OMD: variants seen among roughly 807,000 people sequenced by gnomAD.
OMD encodes osteomodulin.
In OMD, 19 loss-of-function variants were observed where a neutral mutation model predicts 31.2. That is an observed-to-expected ratio of 0.61 (90% CI 0.42 to 0.89). The LOEUF (loss-of-function observed/expected upper bound fraction) is 0.89, where lower values mean the gene tolerates loss of function less well. Ranked by LOEUF, OMD falls within the 40% of genes least tolerant of loss-of-function variation. OMD has a pLI of 0.00. For synonymous variants in OMD, 155 were observed against 166.4 expected, an observed-to-expected ratio of 0.93 and a Z score of 0.53; for missense variants, 448 against 490.8, an observed-to-expected ratio of 0.91 and a Z score of 0.82.
intron 1 of OMD, among the ~76,000 whole-genome samples, chr9:92,421,764 CT>C (rs1192824116): frequency 6.6e-6 from 1 of 152,148 alleles, no homozygotes; most frequent in Non-Finnish European, 1.5e-5. Flanking sequence ...GCCATAGTCC[CT>C]TCTGTAAAGA....
chr9:92,420,850 C>T (rs988481123), intron 1 of OMD, among the ~76,000 whole-genome samples: 3 of 149,140 alleles, frequency 2.0e-5, no homozygotes, highest in East Asian at 1.9e-4. Context: ...CTGTGAGATT[C>T]GTGGAAGATG....
At chr9:92,417,643 C>T in intron 1 of OMD, 69 bp from the exon 2 acceptor site, 1 of 840,932 alleles carries the variant, frequency 1.2e-6, no homozygotes. Context: ...TGTATAAATT[C>T]TCAGTTATAT....
At chr9:92,417,777 G>A (rs1466796369) in intron 1 of OMD, among the ~76,000 whole-genome samples, 2 of 152,096 alleles carry the variant, frequency 1.3e-5, no homozygotes, top group Non-Finnish European at 2.9e-5. Context: ...GGAGTGCAGT[G>A]GCACAATCTC....
rs571035975 is a variant in OMD, at chr9:92,414,115, C to T, written c.*1037G>A. 1.2e-5 allele frequency: 2 copies of T among 164,312 alleles called. No individual in the cohort carries two copies. Among genetic ancestry groups the T allele is most frequent in the Admixed American group, 6.4e-5 (1 of 15,550 alleles). 10.2% of individuals were successfully genotyped at this position (164,312 alleles called of 1,614,324 possible). ...ATCATTGTAAGGCACACTTACAATACTTAAAAATAATACATTAACGAAAAA... is the reference window on the plus strand; with the variant it reads ...ATCATTGTAAGGCACACTTACAATATTTAAAAATAATACATTAACGAAAAA... On this transcript the variant is annotated 3_prime_UTR_variant, in exon 3 of 3. Transcript: ENST00000375550.
In OMD at chr9:92,417,587, G is replaced by T; in HGVS notation, c.-16-13C>A. 7.3e-7 allele frequency: 1 copy of T among 1,375,166 alleles called. No homozygotes were observed. The highest frequency in any genetic ancestry group is 9.9e-7 in the Non-Finnish European group (1 of 1,005,550). 85.2% of individuals were successfully genotyped at this position (1,375,166 alleles called of 1,614,324 possible). On this transcript the variant is annotated splice_polypyrimidine_tract_variant and intron_variant, in intron 1 of 2. Transcript: ENST00000375550. ...CTTTTTTTTTTTCCTATTGCAAGGA[G>T]AAAAGGAAACATTGTGGAGAAAGTG...
intron 1 of OMD, among the ~76,000 whole-genome samples, chr9:92,422,751 T>A (rs939983717): frequency 2.6e-5 from 4 of 152,194 alleles, no homozygotes; most frequent in Non-Finnish European, 4.4e-5. Context: ...TTTCTATGCC[T>A]CTTGCTCTTT....
chr9:92,420,347 C>G (rs1588118087), intron 1 of OMD, among the ~76,000 whole-genome samples: 1 of 152,336 alleles, frequency 6.6e-6, no homozygotes, highest in East Asian at 1.9e-4. Flanking sequence ...TATCGTTGCT[C>G]TTTTGCACAT....
chr9:92,423,566 A>C (rs936605270), intron 1 of OMD, among the ~76,000 whole-genome samples: 3 of 152,134 alleles, frequency 2.0e-5, no homozygotes, highest in African/African-American at 4.8e-5. Context: ...AATTTTATAA[A>C]ATTTTTTTGC....
At chr9:92,420,896 T>C (rs1843772164) in intron 1 of OMD, among the ~76,000 whole-genome samples, 1 of 152,146 alleles carries the variant, frequency 6.6e-6, no homozygotes. Context: ...AGTGTTGAGG[T>C]TCTCATAGAG....
Position 92,416,860 on chromosome 9 carries a change from A to G in OMD, c.699T>C (p.Ser233=). Residue 233 remains serine, a synonymous_variant, in exon 2 of 3, where the codon TCT becomes TCC. Coordinates refer to ENST00000375550, the MANE Select transcript of OMD (RefSeq NM_005014.3). The stretch of plus-strand genomic sequence containing the variant: ...TTTCTAAAGACAGATACATAAGTGA[A>G]GAAGGCAAACCAGGAGGCATTGATT... ...RLESMPPGLP[S]SLMYLSLENN... 3.1e-6 allele frequency: 5 copies of G among 1,614,030 alleles called. No homozygotes were observed. Among genetic ancestry groups the G allele is most frequent in the Non-Finnish European group, 4.2e-6 (5 of 1,179,956 alleles).
chr9:92,417,579 T>C lies in OMD; in HGVS notation c.-16-5A>G. 6.9e-7 allele frequency: 1 copy of C among 1,447,082 alleles called. No individual in the cohort carries two copies. The highest frequency in any genetic ancestry group is 2.2e-5 in the Admixed American group (1 of 45,510). The allele number at this position is 1,447,082 out of a possible 1,614,324, so 89.6% of individuals were successfully genotyped here. On this transcript the variant is annotated splice_polypyrimidine_tract_variant and splice_region_variant and intron_variant, in intron 1 of 2. Coordinates refer to ENST00000375550, the MANE Select transcript of OMD (RefSeq NM_005014.3). ...CCCATCTTCTTTTTTTTTTTCCTAT[T>C]GCAAGGAGAAAAGGAAACATTGTGG...
At position 92,417,286 on chromosome 9, in the gene OMD, C is replaced by T; in HGVS notation, c.273G>A (p.Met91Ile). Reference sequence around the variant, plus strand: ...ACTGAAGGTAGAGTTGCTGAATGTGCATCGGAATATTTGGGATAGTCTTGA... The same window carrying T: ...ACTGAAGGTAGAGTTGCTGAATGTGTATCGGAATATTTGGGATAGTCTTGA... ...RKLKTIPNIP[M>I]HIQQLYLQFN... The change falls in exon 2 of 3, where the codon ATG becomes ATA. Residue 91 changes from methionine (M) to isoleucine (I), a missense_variant. By Grantham distance (10) the Met-to-Ile change is conservative (BLOSUM62 1). Coordinates refer to ENST00000375550, the MANE Select transcript of OMD (RefSeq NM_005014.3). 6.2e-7 allele frequency: 1 copy of T among 1,614,032 alleles called. No individual in the cohort carries two copies. Among genetic ancestry groups the T allele is most frequent in the Non-Finnish European group, 8.5e-7 (1 of 1,179,984 alleles).
Position 92,417,361 on chromosome 9 carries a change from G to A in OMD, c.198C>T (p.Cys66=), listed in dbSNP as rs752701458. 3 of 1,614,020 alleles carry A rather than the reference G, an allele frequency of 1.9e-6. No homozygotes were observed. Among genetic ancestry groups the A allele is most frequent in the East Asian group, 2.2e-5 (1 of 44,854 alleles). The stretch of plus-strand genomic sequence containing the variant: ...ATGATGGAAAGTTAGTTGGACAGAA[G>A]CATTCACTGACACAGCCTAAAGTAT... ...HQYTLGCVSE[C]FCPTNFPSSM... Residue 66 remains cysteine (C), a synonymous_variant, in exon 2 of 3, where the codon TGC becomes TGT. Coordinates refer to ENST00000375550, the MANE Select transcript of OMD (RefSeq NM_005014.3).
rs915397687 is a variant in OMD, at chr9:92,413,683, G to A, written c.*1469C>T. The stretch of plus-strand genomic sequence containing the variant: ...TTGCCCATATTGTGGCATCATAGTT[G>A]CACATTGTACTTTGTTTATTGATCC... On this transcript the variant is annotated 3_prime_UTR_variant, in exon 3 of 3. Transcript: ENST00000375550. 6.6e-6 allele frequency among the ~76,000 whole-genome samples: 1 copy of A among 151,942 alleles called. No homozygotes were observed. The highest frequency in any genetic ancestry group is 1.5e-5 in the Non-Finnish European group (1 of 68,006).
At chr9:92,415,808 T>C (rs905458734) in intron 2 of OMD, among the ~76,000 whole-genome samples, 2 of 147,356 alleles carry the variant, frequency 1.4e-5, no homozygotes, top group African/African-American at 4.9e-5. Context: ...TTTATATATA[T>C]ACATATATAA....
intron 2 of OMD, 54 bp from the exon 3 acceptor site, chr9:92,415,531 T>C: frequency 1.0e-6 from 1 of 984,258 alleles, no homozygotes; most frequent in Non-Finnish European, 1.4e-6. Flanking sequence ...TCCATAGTTA[T>C]AGCCATAATT....
chr9:92,423,796 C>T (rs985457341), intron 1 of OMD, among the ~76,000 whole-genome samples: 1 of 152,108 alleles, frequency 6.6e-6, no homozygotes, highest in Non-Finnish European at 1.5e-5. Flanking sequence ...AAATGCCCAT[C>T]AACCCCCCAA....
rs1843547812 is a variant in OMD at position 92,415,018 on chromosome 9, CTTAAA to C, written c.*129_*133del. 1.4e-5 allele frequency: 9 copies of C among 633,574 alleles called. No homozygotes were observed. In the South Asian group the frequency reaches 1.7e-4, roughly 12 times the overall value. 39.2% of individuals were successfully genotyped at this position (633,574 alleles called of 1,614,324 possible). ...GAAATGATGCAGATGTCACCAACAA[CTTAAA>C]TTCAATTCTGATCTTATACTAATAC... On this transcript the variant is annotated 3_prime_UTR_variant, in exon 3 of 3. Coordinates refer to ENST00000375550, the MANE Select transcript of OMD (RefSeq NM_005014.3).
chr9:92,421,655 T>G (rs2130969999), intron 1 of OMD, among the ~76,000 whole-genome samples: 1 of 152,354 alleles, frequency 6.6e-6, no homozygotes, highest in East Asian at 1.9e-4. Flanking sequence ...AGTAGTTAGT[T>G]TGATTGGGTT....
Sources: gnomAD v4.1 joint callset for allele counts (sites outside exome capture counted in the v4.1 genomes callset) on GRCh38, gnomAD v4.1.1 for gene constraint, MANE v1.5 for transcripts, NCBI Gene and HGNC (gene_info 2026-07-23, HGNC 2026-07-21) for gene names.